The following NCK2 variants were observed in gnomAD, a reference collection of about 807,000 sequenced individuals.
The protein encoded by NCK2 is NCK adaptor protein 2, also known as cytoplasmic protein NCK2.
A neutral mutation model predicts 33.9 loss-of-function variants in NCK2; 16 were observed. That is an observed-to-expected ratio of 0.47 (90% CI 0.32 to 0.72). The LOEUF (loss-of-function observed/expected upper bound fraction) is 0.72, where lower values mean the gene tolerates loss of function less well. Ranked by LOEUF, NCK2 falls within the 30% of genes least tolerant of loss-of-function variation. The pLI is 0.03. For synonymous variants in NCK2, 273 were observed against 239.9 expected (o/e 1.14, Z -1.27); for missense variants, 418 against 537.3 (o/e 0.78, Z 2.19).
rs1473427742 is a variant in NCK2, at chr2:105,893,409, A to G, written c.*233A>G. ...GAGGGGAGGAGCAGGGCGAGTTCAC[A>G]TTATTCCTTTTCCATCGGAAGTGGC... On this transcript the variant is annotated 3_prime_UTR_variant, in exon 5 of 5. Coordinates refer to ENST00000233154, the MANE Select transcript of NCK2 (RefSeq NM_003581.5). 3 of 483,136 alleles carry G rather than the reference A, an allele frequency of 6.2e-6. No individual in the cohort carries two copies. The highest frequency in any genetic ancestry group is 1.1e-5 in the Non-Finnish European group (3 of 267,078). 29.9% of individuals were successfully genotyped at this position (483,136 alleles called of 1,614,324 possible).
intron 2 of NCK2, among the ~76,000 whole-genome samples, chr2:105,836,248 T>C (rs1676432951): frequency 6.6e-6 from 1 of 151,890 alleles, no homozygotes; most frequent in African/African-American, 2.4e-5. Context: ...TTTTTTTCAG[T>C]TTCATGGAGT....
At chr2:105,886,770 G>C (rs993586888) in intron 4 of NCK2, among the ~76,000 whole-genome samples, 2 of 152,290 alleles carry the variant, frequency 1.3e-5, no homozygotes, top group East Asian at 1.9e-4. Context: ...AATACATTTG[G>C]GGATAGGGAG....
chr2:105,841,726 T>C (rs955215192), intron 2 of NCK2, among the ~76,000 whole-genome samples: 1 of 152,142 alleles, frequency 6.6e-6, no homozygotes, highest in African/African-American at 2.4e-5. Context: ...CAGCCACCAG[T>C]CACCTCATTT....
chr2:105,828,265 C>A (rs539570289), intron 2 of NCK2, among the ~76,000 whole-genome samples: 43 of 152,234 alleles, frequency 2.8e-4, no homozygotes, highest in African/African-American at 9.6e-4. Context: ...GGGCACCGTT[C>A]AAGATTGCTG....
intron 2 of NCK2, among the ~76,000 whole-genome samples, chr2:105,822,230 G>A (rs1321145420): frequency 6.6e-6 from 1 of 152,128 alleles, no homozygotes; most frequent in African/African-American, 2.4e-5. Context: ...GGTTTGAGAA[G>A]GGGGCACCAG....
chr2:105,780,563 G>A (rs1573583914), intron 1 of NCK2, among the ~76,000 whole-genome samples: 2 of 152,186 alleles, frequency 1.3e-5, no homozygotes, highest in Non-Finnish European at 2.9e-5. Flanking sequence ...AGTGGGAGGG[G>A]TGCTGTCTGT....
At chr2:105,823,328 G>A (rs1210483603) in intron 2 of NCK2, among the ~76,000 whole-genome samples, 1 of 151,868 alleles carries the variant, frequency 6.6e-6, no homozygotes, top group African/African-American at 2.4e-5. Context: ...ATTCAAGTTG[G>A]GCGTGTCTGG....
intron 3 of NCK2, among the ~76,000 whole-genome samples, chr2:105,860,054 G>A (rs1328352321): frequency 6.6e-6 from 1 of 152,218 alleles, no homozygotes; most frequent in Non-Finnish European, 1.5e-5. Flanking sequence ...GGAGGCTGAG[G>A]TAGAAGGATC....
At chr2:105,801,385 G>A (rs535387661) in intron 1 of NCK2, among the ~76,000 whole-genome samples, 1 of 151,560 alleles carries the variant, frequency 6.6e-6, no homozygotes, top group South Asian at 2.1e-4. Context: ...GTCATCGTGT[G>A]CACCAGCACG....
intron 4 of NCK2, among the ~76,000 whole-genome samples, chr2:105,884,733 G>A (rs906690116): frequency 6.6e-6 from 1 of 152,108 alleles, no homozygotes; most frequent in Non-Finnish European, 1.5e-5. Flanking sequence ...ACCAACAAAC[G>A]AACGAACCTC....
chr2:105,834,453 G>C (rs937282634), intron 2 of NCK2, among the ~76,000 whole-genome samples: 3 of 151,324 alleles, frequency 2.0e-5, no homozygotes, highest in African/African-American at 7.3e-5. Context: ...ATTTTGTCTG[G>C]TATAAGTATA....
chr2:105,783,164 G>A lies in NCK2; in HGVS notation c.-200-33266G>A, dbSNP rs142021499. 3.0e-3 allele frequency among the ~76,000 whole-genome samples: 451 copies of A among 152,328 alleles called. 4 individuals carry two copies. Among genetic ancestry groups the A allele is most frequent in the Non-Finnish European group, 3.0e-3 (206 of 68,036 alleles). On this transcript the variant is annotated intron_variant, in intron 1 of 4. Transcript: ENST00000233154. ...CTGCAGCACTGCTTTGCTTTCTGCCGCAGCAGCTGAGGAAGCCAATTTAAC... is the reference window on the plus strand; with the variant it reads ...CTGCAGCACTGCTTTGCTTTCTGCCACAGCAGCTGAGGAAGCCAATTTAAC...
intron 2 of NCK2, among the ~76,000 whole-genome samples, chr2:105,835,386 C>CATGTATATAT (rs1553458563): frequency 3.5e-4 from 2 of 5,700 alleles, no homozygotes; most frequent in African/African-American, 2.1e-3. Flanking sequence ...CATATATATA[C>CATGTATATAT]ACATATATAT....
At chr2:105,754,632 GT>G (rs772066787) in intron 1 of NCK2, among the ~76,000 whole-genome samples, 41 of 151,350 alleles carry the variant, frequency 2.7e-4, no homozygotes, top group Non-Finnish European at 5.4e-4. Context: ...TCTGTGGGAG[GT>G]TGGGGGGAGC....
At chr2:105,785,229 C>CG (rs1464281686) in intron 1 of NCK2, among the ~76,000 whole-genome samples, 5 of 152,180 alleles carry the variant, frequency 3.3e-5, no homozygotes, top group African/African-American at 1.2e-4. Context: ...CCGCCCATCT[C>CG]GGCCTCCCAA....
At chr2:105,813,769 A>C (rs2104476476) in intron 1 of NCK2, among the ~76,000 whole-genome samples, 1 of 152,364 alleles carries the variant, frequency 6.6e-6, no homozygotes, top group Non-Finnish European at 1.5e-5. Context: ...GCAAATTTTA[A>C]GGTTACAGAG....
At chr2:105,864,178 G>A (rs1431472080) in intron 3 of NCK2, among the ~76,000 whole-genome samples, 1 of 152,088 alleles carries the variant, frequency 6.6e-6, no homozygotes, top group Non-Finnish European at 1.5e-5. Context: ...GGCTTAAGGG[G>A]GAGATGAGTG....
At chr2:105,823,091 T>A (rs1481977033) in intron 2 of NCK2, among the ~76,000 whole-genome samples, 1 of 151,568 alleles carries the variant, frequency 6.6e-6, no homozygotes, top group Non-Finnish European at 1.5e-5. Flanking sequence ...AGAGAGAAAT[T>A]TTTCTTGACT....
At chr2:105,748,376 T>C (rs1249198239) in intron 1 of NCK2, among the ~76,000 whole-genome samples, 1 of 152,164 alleles carries the variant, frequency 6.6e-6, no homozygotes, top group African/African-American at 2.4e-5. Flanking sequence ...TGACATTCTT[T>C]CCTGCAGTTG....
Sources: allele counts gnomAD v4.1 joint callset (sites outside exome capture counted in the v4.1 genomes callset), GRCh38; gene constraint gnomAD v4.1.1; transcripts MANE v1.5; gene names NCBI Gene and HGNC (gene_info 2026-07-23, HGNC 2026-07-21).